The following CD2AP variants were observed in gnomAD, a reference collection of about 807,000 sequenced individuals.
The protein encoded by CD2AP is CD2 associated protein, also known as CD2-associated protein.
A neutral mutation model predicts 85.1 loss-of-function variants in CD2AP; 46 were observed. The observed-to-expected ratio is 0.54, with a 90% confidence interval of 0.43 to 0.69. The LOEUF is 0.69. CD2AP is among the 30% of genes least tolerant of loss of function. CD2AP has a pLI of 0.00. For missense variants in CD2AP, 769 were observed against 729.5 expected, an observed-to-expected ratio of 1.05 and a Z score of -0.62; for synonymous variants, 255 against 252.9, an observed-to-expected ratio of 1.01 and a Z score of -0.08.
intron 5 of CD2AP, among the ~76,000 whole-genome samples, chr6:47,567,677 A>G (rs1768040540): frequency 6.6e-6 from 1 of 152,206 alleles, no homozygotes; most frequent in African/African-American, 2.4e-5. Flanking sequence ...GGAAATTTCT[A>G]AGCAAGTTTG....
intron 3 of CD2AP, among the ~76,000 whole-genome samples, chr6:47,539,654 T>C (rs1767153278): frequency 6.6e-6 from 1 of 152,204 alleles, no homozygotes; most frequent in Non-Finnish European, 1.5e-5. Flanking sequence ...TTCCTTTTTT[T>C]CTCATTGGTA....
At chr6:47,512,708 T>A (rs1766351133) in intron 2 of CD2AP, among the ~76,000 whole-genome samples, 1 of 152,266 alleles carries the variant, frequency 6.6e-6, no homozygotes, top group African/African-American at 2.4e-5. Context: ...GCTTAAGTGT[T>A]ACTTTTTAAT....
chr6:47,564,893 A>G (rs905101753), intron 5 of CD2AP, among the ~76,000 whole-genome samples: 3 of 152,020 alleles, frequency 2.0e-5, no homozygotes, highest in Non-Finnish European at 4.4e-5. Context: ...TTGGAATGTC[A>G]TATCCACTAT....
chr6:47,547,860 A>G (rs1313820543), intron 4 of CD2AP, among the ~76,000 whole-genome samples: 2 of 151,990 alleles, frequency 1.3e-5, no homozygotes, highest in Non-Finnish European at 2.9e-5. Flanking sequence ...CTGGAAATCA[A>G]CTCCAAAAGG....
intron 1 of CD2AP, among the ~76,000 whole-genome samples, chr6:47,500,624 C>CT (rs1392979620): frequency 1.3e-5 from 2 of 152,154 alleles, no homozygotes; most frequent in African/African-American, 4.8e-5. Flanking sequence ...TTATTTTCAT[C>CT]TTTTTTCTCC....
chr6:47,610,683 A>T (rs1186206900), intron 16 of CD2AP, among the ~76,000 whole-genome samples: 1 of 151,764 alleles, frequency 6.6e-6, no homozygotes, highest in South Asian at 2.1e-4. Context: ...AGGAGTTTAT[A>T]ATTTAATACA....
intron 4 of CD2AP, among the ~76,000 whole-genome samples, chr6:47,553,649 A>G (rs1767593114): frequency 6.6e-6 from 1 of 151,736 alleles, no homozygotes; most frequent in East Asian, 1.9e-4. Flanking sequence ...TATAGGCAAG[A>G]GCCAGTGAAC....
chr6:47,607,912 T>A lies in CD2AP; in HGVS notation c.1531-15T>A, dbSNP rs200506346. ...TTGGTCTATTATGTCTCTTGACTTC[T>A]AAAAAATCATTTAGCCAACTCACAG... is the stretch of plus-strand genomic sequence containing the variant. On this transcript the variant is annotated splice_polypyrimidine_tract_variant and intron_variant, in intron 14 of 17. Transcript: ENST00000359314. 6.4e-5 allele frequency: 102 copies of A among 1,586,468 alleles called. 1 individual carries two copies. The East Asian group carries it at 1.5e-3, about 24-fold the overall frequency.
At chr6:47,584,340 AGTTTTGT>A (rs1768561579) in intron 11 of CD2AP, among the ~76,000 whole-genome samples, 1 of 151,258 alleles carries the variant, frequency 6.6e-6, no homozygotes, top group South Asian at 2.1e-4. Context: ...GGAATTTTAT[AGTTTTGT>A]GTTTTACATT....
chr6:47,525,122 T>C (rs1766688513), intron 2 of CD2AP, among the ~76,000 whole-genome samples: 1 of 152,024 alleles, frequency 6.6e-6, no homozygotes, highest in African/African-American at 2.4e-5. Flanking sequence ...TTTTGTTAGG[T>C]TAAAATCTAA....
At chr6:47,522,994 CTGT>C (rs1422473503) in intron 2 of CD2AP, among the ~76,000 whole-genome samples, 1 of 151,762 alleles carries the variant, frequency 6.6e-6, no homozygotes, top group Non-Finnish European at 1.5e-5. Flanking sequence ...TAGTTTTTGA[CTGT>C]TGTTATTCCA....
rs1003986342 is a variant in CD2AP, at chr6:47,478,079, A to G, written c.-166A>G. 3.9e-4 allele frequency: 329 copies of G among 852,804 alleles called. 1 individual carries two copies. In the Middle Eastern group the frequency reaches 4.2e-3, roughly 11 times the overall value. 52.8% of individuals were successfully genotyped at this position (852,804 alleles called of 1,614,324 possible). On this transcript the variant is annotated 5_prime_UTR_variant, in exon 1 of 18. Coordinates refer to ENST00000359314, the MANE Select transcript of CD2AP (RefSeq NM_012120.3). ...GGGCCGCGCTGAAGAGACTGGTAGG[A>G]GAGCGCCGCGGGCGGATGGAGGCGA...
chr6:47,545,392 C>G (rs1489692569), intron 4 of CD2AP, among the ~76,000 whole-genome samples: 1 of 152,138 alleles, frequency 6.6e-6, no homozygotes, highest in Non-Finnish European at 1.5e-5. Flanking sequence ...TAGCCCCGCC[C>G]GCACCTAATG....
At chr6:47,517,422 C>T (rs1766481987) in intron 2 of CD2AP, among the ~76,000 whole-genome samples, 1 of 151,788 alleles carries the variant, frequency 6.6e-6, no homozygotes, top group Non-Finnish European at 1.5e-5. Flanking sequence ...CAAATAGCTG[C>T]GACTACAGGT....
intron 3 of CD2AP, among the ~76,000 whole-genome samples, chr6:47,543,524 T>A (rs1767287450): frequency 6.6e-6 from 1 of 152,224 alleles, no homozygotes; most frequent in Admixed American, 6.5e-5. Context: ...AAGTCCAAGA[T>A]CAAGATACTG....
chr6:47,570,241 T>C (rs541873790), intron 5 of CD2AP, among the ~76,000 whole-genome samples: 1 of 152,314 alleles, frequency 6.6e-6, no homozygotes, highest in East Asian at 1.9e-4. Flanking sequence ...TAAGTCACTT[T>C]ATATGAAGAT....
At chr6:47,507,452 A>G (rs1482914422) in intron 2 of CD2AP, among the ~76,000 whole-genome samples, 1 of 151,710 alleles carries the variant, frequency 6.6e-6, no homozygotes, top group Non-Finnish European at 1.5e-5. Context: ...TATCTATGGC[A>G]GTGATAGCCT....
chr6:47,519,060 T>C (rs1172110910), intron 2 of CD2AP, among the ~76,000 whole-genome samples: 2 of 152,246 alleles, frequency 1.3e-5, no homozygotes, highest in Non-Finnish European at 2.9e-5. Context: ...TTTTTATAGG[T>C]GGCAAGAACA....
chr6:47,621,225 C>T (rs1423690799), intron 17 of CD2AP, among the ~76,000 whole-genome samples: 3 of 152,104 alleles, frequency 2.0e-5, no homozygotes, highest in Admixed American at 2.0e-4. Flanking sequence ...CCCTTGTATG[C>T]CAGTTTTGCT....
Sources: allele counts gnomAD v4.1 joint callset (sites outside exome capture counted in the v4.1 genomes callset), GRCh38; gene constraint gnomAD v4.1.1; transcripts MANE v1.5; gene names NCBI Gene and HGNC (gene_info 2026-07-23, HGNC 2026-07-21).